The following VSIG1 variants were observed in gnomAD, a reference collection of about 807,000 sequenced individuals.
VSIG1 encodes the protein V-set and immunoglobulin domain containing 1, also known as V-set and immunoglobulin domain-containing protein 1.
Under a neutral mutation model 20.1 loss-of-function variants are expected in VSIG1, and 11 were observed. The ratio of observed to expected loss-of-function variants is 0.55; its 90% CI spans 0.34 to 0.91. The LOEUF (loss-of-function observed/expected upper bound fraction) is 0.91. VSIG1 is among the 40% of genes least tolerant of loss of function. The pLI is 0.02. For missense variants in VSIG1, 283 were observed against 298.8 expected, an observed-to-expected ratio of 0.95 and a Z score of 0.39; for synonymous variants, 126 against 116.7, an observed-to-expected ratio of 1.08 and a Z score of -0.52.
rs191156843 is a variant in VSIG1 at position 108,057,821 on chromosome X, A to T, written c.50-217A>T. ...CAGTGTTATTACCACACCATCATCT[A>T]GAATTTGAGTATCTTCATATGATAA... On this transcript the variant is annotated intron_variant, in intron 1 of 6. Transcript: ENST00000217957. 3.1e-3 allele frequency among the ~76,000 whole-genome samples: 350 copies of T among 111,269 alleles called. 2 individuals are homozygous for T. The highest frequency in any genetic ancestry group is 2.7e-3 in the Non-Finnish European group (145 of 52,980).
chrX:108,039,153 T>C, the VSIG1 span, among the ~76,000 whole-genome samples: 1 of 111,272 alleles, frequency 9.0e-6, no homozygotes, highest in African/African-American at 3.3e-5. Flanking sequence ...ACATGGGCTA[T>C]ACATTCCTAG....
At chrX:108,048,252 C>T (rs1288003930) in intron 1 of VSIG1, among the ~76,000 whole-genome samples, 1 of 109,202 alleles carries the variant, frequency 9.2e-6, no homozygotes, top group Non-Finnish European at 1.9e-5. Flanking sequence ...ACCCGCCCAC[C>T]TCAGCCTCCC....
intron 2 of VSIG1, among the ~76,000 whole-genome samples, chrX:108,061,057 C>T (rs986475686): frequency 4.5e-5 from 5 of 112,349 alleles, no homozygotes; most frequent in African/African-American, 1.6e-4. Flanking sequence ...AAAGGGAGGG[C>T]CCAGGCCCTT....
intron 3 of VSIG1, among the ~76,000 whole-genome samples, chrX:108,071,524 A>G: frequency 9.0e-6 from 1 of 111,286 alleles, no homozygotes; most frequent in Non-Finnish European, 1.9e-5. Flanking sequence ...TTCTCCCCTG[A>G]CATGTTTTCA....
At chrX:108,019,439 G>A in the VSIG1 span, among the ~76,000 whole-genome samples, 2 of 112,611 alleles carry the variant, frequency 1.8e-5, no homozygotes, top group Non-Finnish European at 3.8e-5. Context: ...TATGCCACCA[G>A]TGGAATGATC....
chrX:108,047,893 T>TATATATATAC (rs2030651760), intron 1 of VSIG1, among the ~76,000 whole-genome samples: 1 of 16,459 alleles, frequency 6.1e-5, no homozygotes, highest in African/African-American at 3.8e-4. Flanking sequence ...TATACACACA[T>TATATATATAC]ATATATATAT....
At chrX:108,062,234 C>G (rs1466768839) in intron 2 of VSIG1, among the ~76,000 whole-genome samples, 1 of 111,451 alleles carries the variant, frequency 9.0e-6, no homozygotes, top group Non-Finnish European at 1.9e-5. Context: ...ACTTATTCTT[C>G]AAGAATGTTC....
chrX:108,066,402 T>G (rs897734994), intron 2 of VSIG1, among the ~76,000 whole-genome samples: 1 of 111,750 alleles, frequency 8.9e-6, no homozygotes, highest in Non-Finnish European at 1.9e-5. Flanking sequence ...TTGCTTCTAA[T>G]AAACAAAACA....
At chrX:108,043,833 G>A (rs1055202341), upstream of VSIG1, among the ~76,000 whole-genome samples, 1 of 112,123 alleles carries the variant, frequency 8.9e-6, no homozygotes, top group African/African-American at 3.2e-5. Flanking sequence ...CTTGAAATTT[G>A]TACACATTTC....
intron 2 of VSIG1, among the ~76,000 whole-genome samples, chrX:108,060,461 C>T (rs2030997353): frequency 9.0e-6 from 1 of 110,958 alleles, no homozygotes; most frequent in Non-Finnish European, 1.9e-5. Context: ...TTTTATCCTC[C>T]TTCTATTTTC....
At chrX:108,037,776 T>C in the VSIG1 span, among the ~76,000 whole-genome samples, 4 of 112,628 alleles carry the variant, frequency 3.6e-5, no homozygotes, top group Non-Finnish European at 7.5e-5. Flanking sequence ...GCCCTCGGGA[T>C]AAATAGTGAA....
intron 1 of VSIG1, among the ~76,000 whole-genome samples, chrX:108,050,514 C>A (rs1028572400): frequency 5.3e-5 from 6 of 112,213 alleles, no homozygotes; most frequent in Non-Finnish European, 9.4e-5. Flanking sequence ...GCATAGCAAC[C>A]AGTTAATAAG....
At chrX:108,035,344 C>T in the VSIG1 span, among the ~76,000 whole-genome samples, 1 of 110,942 alleles carries the variant, frequency 9.0e-6, no homozygotes, top group South Asian at 3.8e-4. Flanking sequence ...AAGTGATCTG[C>T]CTGCCTCAGC....
chrX:108,078,673 T>G lies in VSIG1; in HGVS notation c.*1292T>G, dbSNP rs901748162. Reference sequence around the variant, plus strand: ...TGTCAAATAATGTACAGGCAAACACTTTCAAATATAATTTCCTTCAGTGAA... The same window carrying G: ...TGTCAAATAATGTACAGGCAAACACGTTCAAATATAATTTCCTTCAGTGAA... On this transcript the variant is annotated 3_prime_UTR_variant, in exon 7 of 7. Transcript: ENST00000217957. 1 of 112,337 alleles carries G rather than the reference T, an allele frequency of 8.9e-6. No homozygotes were observed. Among genetic ancestry groups the G allele is most frequent in the Non-Finnish European group, 1.9e-5 (1 of 53,272 alleles). 9.3% of individuals were successfully genotyped at this position (112,337 alleles called of 1,213,427 possible). A position where few individuals can be genotyped will look rare whatever the true frequency, so the allele number is the denominator to read the frequency against.
Position 108,061,349 on chromosome X carries a change from A to G in VSIG1, c.213+3148A>G. On this transcript the variant is annotated intron_variant, in intron 2 of 6. Transcript: ENST00000217957. The stretch of plus-strand genomic sequence containing the variant: ...CATCAGTGGTCACACTGAGAGATTC[A>G]GTTCAACTCCTGGGTTGATGTGGCA... The G allele has an allele frequency of 4.2e-6, 3 of 720,155 alleles. No individual in the cohort carries two copies. The South Asian group carries it at 7.7e-5, about 19-fold the overall frequency. 59.3% of individuals were successfully genotyped at this position (720,155 alleles called of 1,213,427 possible).
chrX:108,032,321 A>T, the VSIG1 span, among the ~76,000 whole-genome samples: 1 of 112,341 alleles, frequency 8.9e-6, no homozygotes, highest in Non-Finnish European at 1.9e-5. Context: ...TTATGTAAAC[A>T]TGCACCGCTT....
chrX:108,021,985 G>A, the VSIG1 span, among the ~76,000 whole-genome samples: 8 of 111,833 alleles, frequency 7.2e-5, no homozygotes, highest in African/African-American at 2.3e-4. Flanking sequence ...ATTGGGAAAT[G>A]TTAATCTTCC....
chrX:108,049,359 T>A (rs866986272), intron 1 of VSIG1, among the ~76,000 whole-genome samples: 1 of 112,493 alleles, frequency 8.9e-6, no homozygotes, highest in Non-Finnish European at 1.9e-5. Context: ...AATGGCTTCC[T>A]GCTGCACTGA....
intron 2 of VSIG1, among the ~76,000 whole-genome samples, chrX:108,060,707 T>C (rs1350386311): frequency 1.8e-5 from 2 of 111,869 alleles, no homozygotes; most frequent in Admixed American, 1.9e-4. Context: ...CGTTTGACCT[T>C]TCAGTTGTTC....
Sources: gnomAD v4.1 joint callset for allele counts (sites outside exome capture counted in the v4.1 genomes callset) on GRCh38, gnomAD v4.1.1 for gene constraint, MANE v1.5 for transcripts, NCBI Gene and HGNC (gene_info 2026-07-23, HGNC 2026-07-21) for gene names.